Variants in ZC2HC1B observed in about 807,000 individuals in gnomAD.
The protein encoded by ZC2HC1B is zinc finger C2HC-type containing 1B.
ZC2HC1B carries 36 observed loss-of-function variants against 31.0 expected under a neutral mutation model. The ratio of observed to expected loss-of-function variants is 1.16; its 90% confidence interval spans 0.89 to 1.54. ZC2HC1B has a LOEUF of 1.54. ZC2HC1B is among the 40% of genes most tolerant of loss of function. The pLI is 0.00. For missense variants in ZC2HC1B, 260 were observed against 268.6 expected, an observed-to-expected ratio of 0.97 and a Z score of 0.22; for synonymous variants, 73 against 88.0, an observed-to-expected ratio of 0.83 and a Z score of 0.95.
chr6:143,930,915 G>C (rs1778111575), intron 6 of ZC2HC1B, among the ~76,000 whole-genome samples: 1 of 152,160 alleles, frequency 6.6e-6, no homozygotes, highest in African/African-American at 2.4e-5. Flanking sequence ...TAAGTCCAGT[G>C]CTTCTCTGTT....
intron 1 of ZC2HC1B, among the ~76,000 whole-genome samples, chr6:143,878,751 T>TAA (rs1777435729): frequency 6.6e-6 from 1 of 152,140 alleles, no homozygotes; most frequent in African/African-American, 2.4e-5. Context: ...CCTAACCCTA[T>TAA]ATTTCCCCTA....
At position 143,869,163 on chromosome 6, in the gene ZC2HC1B, C is replaced by T. The variant is rs1777306706; in HGVS notation, c.28+4596C>T. On this transcript the variant is annotated intron_variant, in intron 1 of 7. Coordinates refer to ENST00000237275, the MANE Select transcript of ZC2HC1B (RefSeq NM_001013623.3). This position sits in a 1 kb window ranked among gnomAD's most constrained non-coding sequence, Gnocchi z 5.2. ...AGGGTCTGGGCCATTTGTAGTCCTGCCTGGATTAGGCTGTTGTAGTTTCCC... is the reference window on the plus strand; with the variant it reads ...AGGGTCTGGGCCATTTGTAGTCCTGTCTGGATTAGGCTGTTGTAGTTTCCC... Among the ~76,000 whole-genome samples the T allele has an allele frequency of 6.6e-6, 1 of 152,166 alleles. No individual in the cohort carries two copies. Among genetic ancestry groups the T allele is most frequent in the Non-Finnish European group, 1.5e-5 (1 of 68,032 alleles).
rs71024878 is a variant in ZC2HC1B at position 143,919,217 on chromosome 6, C to CTGTGTGTGTGTGTG, written c.598+16101_598+16114dup. Among the ~76,000 whole-genome samples, 11 of 123,696 alleles carry CTGTGTGTGTGTGTG rather than the reference C, an allele frequency of 8.9e-5. No individual in the cohort carries two copies. The East Asian group carries it at 2.3e-3, about 26-fold the overall frequency. The allele number at this position is 123,696 out of a possible 152,430, so 81.1% of individuals were successfully genotyped here. ...TCCCTTCTGCAGGGTTTGCTATTCT[C>CTGTGTGTGTGTGTG]TGTGTGTGTGTGTGTGTGTGTGTGT... On this transcript the variant is annotated intron_variant, in intron 6 of 7. Transcript: ENST00000237275.
chr6:143,918,044 A>G lies in ZC2HC1B; in HGVS notation c.598+14892A>G, dbSNP rs1777938839. On this transcript the variant is annotated intron_variant, in intron 6 of 7. Coordinates refer to ENST00000237275, the MANE Select transcript of ZC2HC1B (RefSeq NM_001013623.3). The surrounding 1 kb of genome is among the most constrained non-coding windows in gnomAD (Gnocchi z 4.1). ...ATTTTGATTTCTTCATACAGCTTCA[A>G]GTTTCTGTCTAGGATCCTCCCACTT... 1.3e-5 allele frequency among the ~76,000 whole-genome samples: 2 copies of G among 152,218 alleles called. No homozygotes were observed. The highest frequency in any genetic ancestry group is 2.1e-4 in the South Asian group (1 of 4,830).
intron 1 of ZC2HC1B, among the ~76,000 whole-genome samples, chr6:143,881,433 C>T (rs1393980508): frequency 6.6e-6 from 1 of 151,346 alleles, no homozygotes; most frequent in Non-Finnish European, 1.5e-5. Context: ...TGCCTGTTGT[C>T]CTAGCTACTC....
At position 143,922,682 on chromosome 6, in the gene ZC2HC1B, G is replaced by A. The variant is rs1030036584; in HGVS notation, c.599-14967G>A. 3.3e-5 allele frequency among the ~76,000 whole-genome samples: 5 copies of A among 152,010 alleles called. No individual in the cohort carries two copies. The highest frequency in any genetic ancestry group is 3.3e-4 in the Admixed American group (5 of 15,270). On this transcript the variant is annotated intron_variant, in intron 6 of 7. Transcript: ENST00000237275. This position sits in a 1 kb window ranked among gnomAD's most constrained non-coding sequence, Gnocchi z 5.0. Reference sequence around the variant, plus strand: ...ATCATTCTTTTTTTGTGGCTGAATAGTATTCCACTGAGTATATATACCACA... The same window carrying A: ...ATCATTCTTTTTTTGTGGCTGAATAATATTCCACTGAGTATATATACCACA...
Position 143,921,886 on chromosome 6 carries a change from A to G in ZC2HC1B, c.599-15763A>G, listed in dbSNP as rs549885347. 2.0e-5 allele frequency among the ~76,000 whole-genome samples: 3 copies of G among 152,336 alleles called. No homozygotes were observed. Among genetic ancestry groups the G allele is most frequent in the Admixed American group, 2.0e-4 (3 of 15,296 alleles). Reference sequence around the variant, plus strand: ...CAAGTGTTCAAGGCTGCAATGAGCTATGATCGTGCCACTGCACACCAGTCT... The same window carrying G: ...CAAGTGTTCAAGGCTGCAATGAGCTGTGATCGTGCCACTGCACACCAGTCT... On this transcript the variant is annotated intron_variant, in intron 6 of 7. Coordinates refer to ENST00000237275, the MANE Select transcript of ZC2HC1B (RefSeq NM_001013623.3). The surrounding 1 kb of genome is among the most constrained non-coding windows in gnomAD (Gnocchi z 6.1).
intron 4 of ZC2HC1B, among the ~76,000 whole-genome samples, chr6:143,893,532 G>C (rs907820166): frequency 6.6e-6 from 1 of 151,916 alleles, no homozygotes; most frequent in Non-Finnish European, 1.5e-5. Context: ...GTGCTAATGC[G>C]CTCCAGCCTG....
intron 4 of ZC2HC1B, among the ~76,000 whole-genome samples, chr6:143,893,114 T>C (rs1004930433): frequency 6.6e-6 from 1 of 151,816 alleles, no homozygotes; most frequent in African/African-American, 2.4e-5. Flanking sequence ...AACTCAGTAA[T>C]AAGGAGACAA....
chr6:143,902,577 C>T (rs1047019435), intron 5 of ZC2HC1B, among the ~76,000 whole-genome samples: 5 of 152,118 alleles, frequency 3.3e-5, no homozygotes, highest in African/African-American at 9.7e-5. Flanking sequence ...TGCTGCTGCT[C>T]TGCAGGGAGG....
intron 1 of ZC2HC1B, among the ~76,000 whole-genome samples, chr6:143,866,466 C>T (rs1400679532): frequency 6.6e-6 from 1 of 152,212 alleles, no homozygotes; most frequent in Admixed American, 6.5e-5. Flanking sequence ...GTACCACTTT[C>T]TACTGAATAC....
Position 143,908,971 on chromosome 6 carries a change from G to A in ZC2HC1B, c.598+5819G>A, listed in dbSNP as rs1777827949. On this transcript the variant is annotated intron_variant, in intron 6 of 7. Coordinates refer to ENST00000237275, the MANE Select transcript of ZC2HC1B (RefSeq NM_001013623.3). This position sits in a 1 kb window ranked among gnomAD's most constrained non-coding sequence, Gnocchi z 4.4. ...GTTCCTTTAATACCTAGTTTATTGA[G>A]CGTTTTTAACATAAAGGGATGTTGA... Among the ~76,000 whole-genome samples the A allele has an allele frequency of 6.6e-6, 1 of 152,080 alleles. No individual in the cohort carries two copies. Among genetic ancestry groups the A allele is most frequent in the African/African-American group, 2.4e-5 (1 of 41,398 alleles).
chr6:143,896,033 C>T (rs1287583169), intron 4 of ZC2HC1B, among the ~76,000 whole-genome samples: 1 of 152,242 alleles, frequency 6.6e-6, no homozygotes, highest in African/African-American at 2.4e-5. Flanking sequence ...ATGTGAAGTT[C>T]AACATAAATA....
intron 6 of ZC2HC1B, among the ~76,000 whole-genome samples, chr6:143,927,852 C>T (rs1443919394): frequency 2.0e-5 from 3 of 152,094 alleles, no homozygotes; most frequent in Non-Finnish European, 4.4e-5. Context: ...TAAGATGGCA[C>T]CTCATGGTTT....
At chr6:143,926,798 T>G (rs1485351542) in intron 6 of ZC2HC1B, among the ~76,000 whole-genome samples, 1 of 151,242 alleles carries the variant, frequency 6.6e-6, no homozygotes, top group Non-Finnish European at 1.5e-5. Context: ...GTTCTGGTGT[T>G]AAGTTCATAT....
rs1170690134 is a variant in ZC2HC1B at position 143,917,984 on chromosome 6, C to T, written c.598+14832C>T. On this transcript the variant is annotated intron_variant, in intron 6 of 7. Coordinates refer to ENST00000237275, the MANE Select transcript of ZC2HC1B (RefSeq NM_001013623.3). The surrounding 1 kb of genome is among the most constrained non-coding windows in gnomAD (Gnocchi z 4.1). ...CAAACCATTATTACAATAGTACTAG[C>T]TTTTATAATTGTCCATGCATTTACC... 6.6e-6 allele frequency among the ~76,000 whole-genome samples: 1 copy of T among 152,116 alleles called. No homozygotes were observed. Among genetic ancestry groups the T allele is most frequent in the Non-Finnish European group, 1.5e-5 (1 of 68,018 alleles).
rs532911999 is a variant in ZC2HC1B at position 143,912,852 on chromosome 6, A to G, written c.598+9700A>G. Among the ~76,000 whole-genome samples, 17 of 152,336 alleles carry G rather than the reference A, an allele frequency of 1.1e-4. No homozygotes were observed. In the South Asian group the frequency reaches 2.9e-3, roughly 26 times the overall value. On this transcript the variant is annotated intron_variant, in intron 6 of 7. Transcript: ENST00000237275. The stretch of plus-strand genomic sequence containing the variant: ...CAGGCTGGACAAGCTGAGAAGCCAA[A>G]TGGCCAAGTTGGCAGCCTGCCCCAC...
In ZC2HC1B at chr6:143,929,069, G is replaced by A. The variant is rs144124852; in HGVS notation, c.599-8580G>A. Among the ~76,000 whole-genome samples the A allele has an allele frequency of 2.4e-3, 363 of 152,122 alleles. 2 individuals are homozygous for A. Among genetic ancestry groups the A allele is most frequent in the African/African-American group, 8.6e-3 (355 of 41,514 alleles). On this transcript the variant is annotated intron_variant, in intron 6 of 7. Transcript: ENST00000237275. ...ATCTGACTTCCTCTTTTCCCATTTT[G>A]ATGGCTTTTATTTTTTTCTCTTGCC...
Position 143,886,496 on chromosome 6 carries a change from T to C in ZC2HC1B, c.211-187T>C, listed in dbSNP as rs1777531208. ...TTTTATTTTGTGTTTTCCCTCACTC[T>C]TGTGGCTTGCAAATTATATTACTGT... On this transcript the variant is annotated intron_variant, in intron 3 of 7. Transcript: ENST00000237275. The surrounding 1 kb of genome is among the most constrained non-coding windows in gnomAD (Gnocchi z 4.2). Among the ~76,000 whole-genome samples, 1 of 152,224 alleles carries C rather than the reference T, an allele frequency of 6.6e-6. No individual in the cohort carries two copies. Among genetic ancestry groups the C allele is most frequent in the South Asian group, 2.1e-4 (1 of 4,836 alleles).
Sources: gnomAD v4.1 joint callset for allele counts (sites outside exome capture counted in the v4.1 genomes callset) on GRCh38, gnomAD v4.1.1 for gene constraint, Gnocchi (gnomAD v3.1) non-coding constraint, MANE v1.5 for transcripts, NCBI Gene and HGNC (gene_info 2026-07-23, HGNC 2026-07-21) for gene names.